DTWD2: variants seen among roughly 807,000 people sequenced by gnomAD.
DTWD2 encodes the protein tRNA-uridine aminocarboxypropyltransferase 2.
In DTWD2, 39 loss-of-function variants were observed where a neutral mutation model predicts 31.8. That is an observed-to-expected ratio of 1.22 (90% confidence interval 0.95 to 1.60). The LOEUF (loss-of-function observed/expected upper bound fraction) is 1.60. DTWD2 is among the 40% of genes most tolerant of loss of function. The probability of loss-of-function intolerance (pLI) is 0.00; values close to 1 mark genes in which losing one functional copy is unlikely to be tolerated. For synonymous variants in DTWD2, 180 were observed against 142.8 expected (o/e 1.26, Z -1.86); for missense variants, 515 against 381.5 (o/e 1.35, Z -2.92).
chr5:118,942,182 G>A lies in DTWD2; in HGVS notation c.309+2377C>T, dbSNP rs113174622. Reference sequence around the variant, plus strand: ...GCTGAAGTTAAGCACAGGCAGCCCAGTATTAATAAGTTAGATGAAAACTGG... The same window carrying A: ...GCTGAAGTTAAGCACAGGCAGCCCAATATTAATAAGTTAGATGAAAACTGG... On this transcript the variant is annotated intron_variant, in intron 2 of 5. Coordinates refer to ENST00000510708, the MANE Select transcript of DTWD2 (RefSeq NM_173666.4). Among the ~76,000 whole-genome samples, 772 of 152,248 alleles carry A rather than the reference G, an allele frequency of 5.1e-3. 7 individuals carry two copies. Among genetic ancestry groups the A allele is most frequent in the African/African-American group, 0.018 (752 of 41,532 alleles).
At chr5:118,842,953 C>CTTT (rs1181962036) in intron 5 of DTWD2, among the ~76,000 whole-genome samples, 8 of 108,786 alleles carry the variant, frequency 7.4e-5, no homozygotes, top group Non-Finnish European at 1.3e-4. Flanking sequence ...TCTTCTTCCT[C>CTTT]TTTTTTTTTT....
At chr5:118,917,593 C>T (rs901520761) in intron 4 of DTWD2, among the ~76,000 whole-genome samples, 4 of 152,150 alleles carry the variant, frequency 2.6e-5, no homozygotes, top group Admixed American at 2.6e-4. Flanking sequence ...AACTTACATT[C>T]ATGGCAGAAG....
At chr5:118,968,240 A>G (rs1187469284) in intron 1 of DTWD2, among the ~76,000 whole-genome samples, 1 of 152,124 alleles carries the variant, frequency 6.6e-6, no homozygotes, top group Non-Finnish European at 1.5e-5. Flanking sequence ...CACAAACTAG[A>G]GAGGACTAAC....
At chr5:118,956,960 G>T (rs1754601051) in intron 1 of DTWD2, among the ~76,000 whole-genome samples, 1 of 147,356 alleles carries the variant, frequency 6.8e-6, no homozygotes, top group Non-Finnish European at 1.5e-5. Flanking sequence ...AAACTAACGT[G>T]ATCTGTAAGA....
At chr5:118,918,281 T>C (rs1437211372) in intron 4 of DTWD2, among the ~76,000 whole-genome samples, 1 of 152,114 alleles carries the variant, frequency 6.6e-6, no homozygotes, top group Non-Finnish European at 1.5e-5. Context: ...AAACATCAAA[T>C]GGACAATCTG....
At chr5:118,851,839 TA>T (rs200893015) in intron 4 of DTWD2, among the ~76,000 whole-genome samples, 21,942 of 124,234 alleles carry the variant, frequency 0.18, 2,076 homozygotes, top group African/African-American at 0.3. Context: ...TAAAGTATAA[TA>T]AAAAAAAAAA....
At chr5:118,913,297 G>T (rs148114047) in intron 4 of DTWD2, among the ~76,000 whole-genome samples, 1 of 151,472 alleles carries the variant, frequency 6.6e-6, no homozygotes, top group Non-Finnish European at 1.5e-5. Flanking sequence ...CCAGCAGATC[G>T]CCTTTGGACT....
In DTWD2 at chr5:118,988,480, T is replaced by C. The variant is rs771179924; in HGVS notation, c.32A>G (p.Gln11Arg). Residue 11 changes from glutamine to arginine, a missense_variant, in exon 1 of 6, where the codon CAG becomes CGG. Coordinates refer to ENST00000510708, the MANE Select transcript of DTWD2 (RefSeq NM_173666.4). MESQKEARTL[Q>R]EPVARPSGAS... ...CCCAGAAGGCCGCGCAACGGGCTCC[T>C]GGAGTGTTCGTGCCTCTTTCTGCGA... The C allele has an allele frequency of 2.8e-5, 45 of 1,601,202 alleles. No homozygotes were observed. The highest frequency in any genetic ancestry group is 3.1e-5 in the Non-Finnish European group (36 of 1,175,290).
chr5:118,944,513 G>C, intron 2 of DTWD2, 46 bp downstream of exon 2: 1 of 1,557,754 alleles, frequency 6.4e-7, no homozygotes, highest in Non-Finnish European at 8.8e-7. Context: ...GTTTCCTCTT[G>C]TGGACTCATA....
chr5:118,973,653 TCGCGGCAGCCTCCTTGC>T lies in DTWD2; in HGVS notation c.218+14624_218+14640del, dbSNP rs1580449576. On this transcript the variant is annotated intron_variant, in intron 1 of 5. Transcript: ENST00000510708. ...TCCTTGCTCGCGGCAGCCTCCTTGC[TCGCGGCAGCCTCCTTGC>T]TCGCCGCAGCCGCCTCCGCCACGCG... is the stretch of plus-strand genomic sequence containing the variant. 6.2e-6 allele frequency: 5 copies of T among 801,696 alleles called. No homozygotes were observed. In the East Asian group the frequency reaches 8.3e-5, roughly 13 times the overall value. The allele number at this position is 801,696 out of a possible 1,614,324, so 49.7% of individuals were successfully genotyped here.
chr5:118,905,413 A>C (rs1753305996), intron 4 of DTWD2, among the ~76,000 whole-genome samples: 1 of 152,128 alleles, frequency 6.6e-6, no homozygotes, highest in Non-Finnish European at 1.5e-5. Context: ...TCTGAGTAAG[A>C]GGGCCTGTCC....
At chr5:118,959,678 G>A (rs1374754452) in intron 1 of DTWD2, among the ~76,000 whole-genome samples, 2 of 152,160 alleles carry the variant, frequency 1.3e-5, no homozygotes. Flanking sequence ...CAAAGCTGGA[G>A]CAAACACATT....
intron 1 of DTWD2, chr5:118,974,594 C>A (rs897821402): frequency 5.9e-6 from 3 of 506,462 alleles, no homozygotes; most frequent in Non-Finnish European, 1.2e-5. Flanking sequence ...CAATCTTATT[C>A]CGAGCATTCC....
intron 3 of DTWD2, among the ~76,000 whole-genome samples, chr5:118,937,291 C>T (rs1011502665): frequency 6.7e-6 from 1 of 150,318 alleles, no homozygotes; most frequent in Non-Finnish European, 1.5e-5. Context: ...ATTTTAGAAA[C>T]TGATAAATGA....
rs1751625493 is a variant in DTWD2, at chr5:118,838,412, A to C, written c.*2505T>G. 6.6e-6 allele frequency: 1 copy of C among 152,228 alleles called. No homozygotes were observed. The highest frequency in any genetic ancestry group is 1.5e-5 in the Non-Finnish European group (1 of 68,032). 9.4% of individuals were successfully genotyped at this position (152,228 alleles called of 1,614,324 possible). On this transcript the variant is annotated 3_prime_UTR_variant, in exon 6 of 6. Coordinates refer to ENST00000510708, the MANE Select transcript of DTWD2 (RefSeq NM_173666.4). ...TCCAGGAAAAATCAAGCAAATATAA[A>C]GAATCTGAATTTAAAAGCCAACTAA...
At chr5:118,976,459 G>T (rs1679403352) in intron 1 of DTWD2, among the ~76,000 whole-genome samples, 1 of 151,834 alleles carries the variant, frequency 6.6e-6, no homozygotes, top group Non-Finnish European at 1.5e-5. Context: ...TAATAAAGAA[G>T]AAAAAAGAGA....
At chr5:118,917,478 A>C (rs1043533963) in intron 4 of DTWD2, among the ~76,000 whole-genome samples, 3 of 152,208 alleles carry the variant, frequency 2.0e-5, no homozygotes. Context: ...AGACAATATT[A>C]GTCTGTTCTC....
intron 4 of DTWD2, among the ~76,000 whole-genome samples, chr5:118,880,880 A>G (rs1488591680): frequency 6.6e-6 from 1 of 152,136 alleles, no homozygotes; most frequent in Non-Finnish European, 1.5e-5. Context: ...AAACAAATAC[A>G]TTTCTCAATA....
chr5:118,940,049 G>C (rs1020426917), intron 2 of DTWD2, among the ~76,000 whole-genome samples: 1 of 152,176 alleles, frequency 6.6e-6, no homozygotes, highest in Non-Finnish European at 1.5e-5. Context: ...GTGTGGGCTG[G>C]ATTTATGGCC....
Sources: gnomAD v4.1 joint callset for allele counts (sites outside exome capture counted in the v4.1 genomes callset) on GRCh38, gnomAD v4.1.1 for gene constraint, MANE v1.5 for transcripts, NCBI Gene and HGNC (gene_info 2026-07-23, HGNC 2026-07-21) for gene names.